DST: variants seen among roughly 807,000 people sequenced by gnomAD.
DST encodes dystonin.
In DST, 253 loss-of-function variants were observed where a neutral mutation model predicts 875.2. The ratio of observed to expected loss-of-function variants is 0.29; its 90% CI spans 0.26 to 0.32. DST has a LOEUF of 0.32. DST is among the 10% of genes least tolerant of loss of function. The pLI is 1.00. For missense variants in DST, 8,287 were observed against 9,111.6 expected (o/e 0.91, Z 3.68); for synonymous variants, 3,124 against 3,197.1 (o/e 0.98, Z 0.77).
At chr6:56,629,159 TA>T (rs1056280581) in intron 32 of DST, 90 bp downstream of exon 32, 23 of 1,288,452 alleles carry the variant, frequency 1.8e-5, no homozygotes, top group South Asian at 2.5e-5. Context: ...ACTATGGAAG[TA>T]AAAAAATAGC....
intron 73 of DST, 117 bp from the exon 74 acceptor site, chr6:56,509,990 C>T: frequency 2.4e-6 from 2 of 846,312 alleles, no homozygotes; most frequent in African/African-American, 1.7e-5. Context: ...AAATCTTAGC[C>T]TCTTTATCAA....
At chr6:56,844,324 G>GC (rs1432197371) in intron 4 of DST, among the ~76,000 whole-genome samples, 2 of 152,126 alleles carry the variant, frequency 1.3e-5, no homozygotes, top group Non-Finnish European at 2.9e-5. Flanking sequence ...CCTCCCTTCT[G>GC]CCCCCCAGAG....
At chr6:56,570,896 G>C (rs754886558) in intron 53 of DST, among the ~76,000 whole-genome samples, 3 of 152,180 alleles carry the variant, frequency 2.0e-5, no homozygotes, top group Non-Finnish European at 4.4e-5. Flanking sequence ...GAACCAGAAG[G>C]GAAAGGTTGA....
At chr6:56,634,395 G>C (rs1489490001) in intron 26 of DST, 67 bp downstream of exon 26, 3 of 1,607,330 alleles carry the variant, frequency 1.9e-6, no homozygotes, top group African/African-American at 2.7e-5. Flanking sequence ...ACAAAGTATT[G>C]ATTGTTCCTT....
rs1202676343 is a variant in DST, at chr6:56,675,190, A to G, written c.1048-4383T>C. 3.9e-5 allele frequency among the ~76,000 whole-genome samples: 6 copies of G among 152,324 alleles called. 1 individual carries two copies. Among genetic ancestry groups the G allele is most frequent in the African/African-American group, 1.4e-4 (6 of 41,572 alleles). ...TCTCTTCAATAAATGATGTCTGAAA[A>G]ACTGGATATCCACATAAAGAAGAAT... On this transcript the variant is annotated intron_variant, in intron 9 of 103. Transcript: ENST00000680361.
Position 56,727,321 on chromosome 6 carries a change from G to A in DST, c.687+7907C>T, listed in dbSNP as rs546369690. On this transcript the variant is annotated intron_variant, in intron 5 of 103. Coordinates refer to ENST00000680361, the MANE Select transcript of DST (RefSeq NM_001374736.1). ...AAATGCATAAAACCTAGCTGTGCCC[G>A]GACCACGTTGGGCACATTTCGTCAG... Among the ~76,000 whole-genome samples the A allele has an allele frequency of 5.9e-5, 9 of 152,192 alleles. 1 individual carries two copies. The South Asian group carries it at 6.2e-4, about 11-fold the overall frequency.
chr6:56,639,009 C>T (rs2098852536), intron 22 of DST: 1 of 550,898 alleles, frequency 1.8e-6, no homozygotes, highest in Admixed American at 3.1e-5. Flanking sequence ...AGAGAAGGTA[C>T]TTCATATTTA....
chr6:56,946,721 A>G (rs1045573570), intron 2 of DST, among the ~76,000 whole-genome samples: 3 of 152,216 alleles, frequency 2.0e-5, no homozygotes, highest in Admixed American at 2.0e-4. Flanking sequence ...TACTTGATAC[A>G]TTAATTGTGA....
At chr6:56,954,333 G>T in intron 1 of DST, 74 bp downstream of exon 1, 1 of 1,167,180 alleles carries the variant, frequency 8.6e-7, no homozygotes, top group Non-Finnish European at 1.1e-6. Context: ...AGAAGGGAGC[G>T]AGCCGCGCTT....
intron 55 of DST, among the ~76,000 whole-genome samples, chr6:56,566,527 C>T (rs571695834): frequency 1.5e-4 from 23 of 152,272 alleles, no homozygotes; most frequent in African/African-American, 4.8e-4. Flanking sequence ...GTGGGCTGCA[C>T]CCACTGTCTA....
At chr6:56,613,942 T>C (rs1019190603) in intron 37 of DST, among the ~76,000 whole-genome samples, 45 of 152,240 alleles carry the variant, frequency 3.0e-4, no homozygotes, top group Non-Finnish European at 6.0e-4. Flanking sequence ...TGTATCTTCA[T>C]TGTTCTTGAA....
At chr6:56,873,749 A>C (rs567599143) in intron 3 of DST, among the ~76,000 whole-genome samples, 1 of 152,332 alleles carries the variant, frequency 6.6e-6, no homozygotes, top group Admixed American at 6.5e-5. Flanking sequence ...AGGTTGGTTA[A>C]TGAGCACAAA....
intron 4 of DST, among the ~76,000 whole-genome samples, chr6:56,809,295 A>G (rs2099756966): frequency 6.6e-6 from 1 of 152,092 alleles, no homozygotes; most frequent in African/African-American, 2.4e-5. Context: ...ACAAATCTCA[A>G]CTGCCCCTCC....
At chr6:56,883,352 C>T (rs1254880546) in intron 3 of DST, among the ~76,000 whole-genome samples, 2 of 152,164 alleles carry the variant, frequency 1.3e-5, no homozygotes, top group Admixed American at 6.5e-5. Flanking sequence ...ATAATAAGCA[C>T]ATTTTATACA....
intron 10 of DST, among the ~76,000 whole-genome samples, chr6:56,653,019 T>C (rs939202609): frequency 1.6e-4 from 24 of 152,208 alleles, no homozygotes; most frequent in African/African-American, 5.5e-4. Flanking sequence ...TCCGTAAAAT[T>C]TGCACCTTTT....
At chr6:56,560,505 G>T in intron 57 of DST, 82 bp from the exon 58 acceptor site, 1 of 1,402,198 alleles carries the variant, frequency 7.1e-7, no homozygotes, top group Non-Finnish European at 9.6e-7. Flanking sequence ...TTTTTCTCTA[G>T]AATAATGAAA....
At chr6:56,792,905 A>G (rs566943292) in intron 4 of DST, among the ~76,000 whole-genome samples, 1 of 151,742 alleles carries the variant, frequency 6.6e-6, no homozygotes, top group East Asian at 1.9e-4. Flanking sequence ...CCATCTCTAC[A>G]AAAAATACAA....
In DST at chr6:56,607,297, A is replaced by G; in HGVS notation, c.7331T>C (p.Leu2444Ser). The G allele has an allele frequency of 6.2e-7, 1 of 1,613,520 alleles. No homozygotes were observed. The highest frequency in any genetic ancestry group is 1.1e-5 in the South Asian group (1 of 91,060). ...RLSALLSHDKLMHSQGSFNDT... is the reference protein window; with the variant it reads ...RLSALLSHDKSMHSQGSFNDT... ...ATTAAAACTTCCCTGACTGTGCATC[A>G]ATTTATCATGACTTAACAAGGCACT... The change falls in exon 40 of 104, where the codon TTG (leucine) becomes TCG (serine). Residue 2444 changes from leucine (L) to serine (S), a missense_variant. Around this residue, in one of 10 missense-constraint regions of DST, gnomAD observed 3,138 missense variants for 3,116.6 expected, o/e 1.01. Coordinates refer to ENST00000680361, the MANE Select transcript of DST (RefSeq NM_001374736.1).
In DST at chr6:56,602,919, T is replaced by C; in HGVS notation, c.11270A>G (p.Asp3757Gly). 2 of 1,574,312 alleles carry C rather than the reference T, an allele frequency of 1.3e-6. No individual in the cohort carries two copies. The highest frequency in any genetic ancestry group is 1.7e-6 in the Non-Finnish European group (2 of 1,167,598). ...VKDIEIVNVQDSEYVKKRLEF... is the reference protein window; with the variant it reads ...VKDIEIVNVQGSEYVKKRLEF... ...CAAACGTTTCTTTACATACTCAGAA[T>C]CTTGAACATTCACAATCTCAATATC... The change falls in exon 43 of 104, where the codon GAT becomes GGT. Residue 3757 changes from aspartate (D) to glycine (G), a missense_variant. By Grantham distance (94) the Asp-to-Gly change is moderately conservative (BLOSUM62 -1). This residue lies in a region of DST where 3,138 missense variants were observed against 3,116.6 expected (regional missense o/e 1.01). Coordinates refer to ENST00000680361, the MANE Select transcript of DST (RefSeq NM_001374736.1).
Sources: allele counts gnomAD v4.1 joint callset (sites outside exome capture counted in the v4.1 genomes callset), GRCh38; gene constraint gnomAD v4.1.1; regional missense constraint gnomAD v4.1.1; transcripts MANE v1.5; gene names NCBI Gene and HGNC (gene_info 2026-07-23, HGNC 2026-07-21).